The following ABHD17C variants were observed in gnomAD, a reference collection of about 807,000 sequenced individuals.
ABHD17C encodes the protein abhydrolase domain containing 17C, depalmitoylase.
ABHD17C carries 11 observed loss-of-function variants against 27.9 expected under a neutral mutation model. That is an observed-to-expected ratio of 0.39 (90% confidence interval 0.25 to 0.65). ABHD17C has a LOEUF of 0.65. Among genes scored for constraint, ABHD17C ranks in the 30% least tolerant of loss-of-function variants. The probability of loss-of-function intolerance (pLI) is 0.45; values close to 1 mark genes in which losing one functional copy is unlikely to be tolerated. For missense variants in ABHD17C, 280 were observed against 470.2 expected, an observed-to-expected ratio of 0.60 and a Z score of 3.74; for synonymous variants, 233 against 209.1, an observed-to-expected ratio of 1.11 and a Z score of -0.98.
Position 80,698,061 on chromosome 15 carries a change from C to CTTT in ABHD17C, c.590+2061_590+2063dup, listed in dbSNP as rs34987348. On this transcript the variant is annotated intron_variant, in intron 1 of 2. Transcript: ENST00000258884. ...TAGCAGAATATGTTGTTTTATTTCA[C>CTTT]TTTTTTTTTTTTTTTTTTTTTGAGA... Among the ~76,000 whole-genome samples, 20 of 97,034 alleles carry CTTT rather than the reference C, an allele frequency of 2.1e-4. 1 individual carries two copies. The East Asian group carries it at 2.6e-3, about 13-fold the overall frequency. 63.7% of individuals were successfully genotyped at this position (97,034 alleles called of 152,430 possible).
intron 1 of ABHD17C, among the ~76,000 whole-genome samples, chr15:80,729,782 G>T (rs2627322): frequency 0.41 from 62,164 of 152,048 alleles, 13,442 homozygotes; most frequent in Non-Finnish European, 0.48. Context: ...ATTTTAGAGA[G>T]ACAGGACTGT....
At chr15:80,744,881 T>C (rs1596073413) in intron 1 of ABHD17C, among the ~76,000 whole-genome samples, 1 of 152,252 alleles carries the variant, frequency 6.6e-6, no homozygotes, top group East Asian at 1.9e-4. Context: ...TCATTGCTTT[T>C]TGTTAAAATT....
At chr15:80,749,445 G>T (rs772651973) in intron 1 of ABHD17C, 68 bp from the exon 2 acceptor site, 9 of 1,526,500 alleles carry the variant, frequency 5.9e-6, no homozygotes, top group Non-Finnish European at 8.0e-6. Flanking sequence ...TTAAGAGGCG[G>T]GTTTCTCTGT....
intron 2 of ABHD17C, among the ~76,000 whole-genome samples, chr15:80,749,982 C>G (rs1036417507): frequency 7.9e-5 from 12 of 152,098 alleles, no homozygotes; most frequent in Admixed American, 6.6e-4. Context: ...TTAACAGCAC[C>G]CATACATCCT....
intron 1 of ABHD17C, among the ~76,000 whole-genome samples, chr15:80,722,835 T>A (rs1174575647): frequency 2.0e-5 from 3 of 152,210 alleles, no homozygotes; most frequent in Admixed American, 2.0e-4. Context: ...TGTGTCTGGC[T>A]TATTTCATGT....
At chr15:80,714,407 A>C (rs1172040121) in intron 1 of ABHD17C, among the ~76,000 whole-genome samples, 1 of 152,220 alleles carries the variant, frequency 6.6e-6, no homozygotes, top group Admixed American at 6.5e-5. Flanking sequence ...TGTTGTCTCC[A>C]TTTCACAAAT....
chr15:80,734,474 A>G (rs892413064), intron 1 of ABHD17C, among the ~76,000 whole-genome samples: 1 of 152,254 alleles, frequency 6.6e-6, no homozygotes, highest in Admixed American at 6.5e-5. Flanking sequence ...TTCATGCACA[A>G]TTATACTCAG....
intron 1 of ABHD17C, among the ~76,000 whole-genome samples, chr15:80,716,991 A>T (rs566650274): frequency 1.3e-5 from 2 of 152,378 alleles, no homozygotes; most frequent in Non-Finnish European, 2.9e-5. Context: ...ATGAGGCTTA[A>T]AGATGAACAA....
chr15:80,744,658 A>T (rs553498306), intron 1 of ABHD17C, among the ~76,000 whole-genome samples: 4 of 152,322 alleles, frequency 2.6e-5, no homozygotes, highest in Admixed American at 1.3e-4. Flanking sequence ...CACAAAAAGG[A>T]CTAGCGATAC....
intron 1 of ABHD17C, among the ~76,000 whole-genome samples, chr15:80,717,228 C>T (rs1176582346): frequency 1.4e-5 from 2 of 147,508 alleles, no homozygotes; most frequent in African/African-American, 2.5e-5. Flanking sequence ...ACTCTATCAG[C>T]CAGAGGCCAG....
chr15:80,736,392 A>G (rs1895130789), intron 1 of ABHD17C, among the ~76,000 whole-genome samples: 1 of 152,196 alleles, frequency 6.6e-6, no homozygotes, highest in East Asian at 1.9e-4. Flanking sequence ...ACGTTTGTTA[A>G]GTTTTGGCTA....
intron 1 of ABHD17C, among the ~76,000 whole-genome samples, chr15:80,710,018 T>C (rs974898568): frequency 6.6e-6 from 1 of 152,124 alleles, no homozygotes; most frequent in Non-Finnish European, 1.5e-5. Context: ...ATATGATAAG[T>C]GCTAGAGGAA....
chr15:80,729,511 A>G (rs1026563388), intron 1 of ABHD17C, among the ~76,000 whole-genome samples: 4 of 152,242 alleles, frequency 2.6e-5, no homozygotes, highest in Admixed American at 6.5e-5. Context: ...GCATTTGTTA[A>G]TACTGTATAG....
chr15:80,720,484 A>T (rs1894879633), intron 1 of ABHD17C, among the ~76,000 whole-genome samples: 1 of 152,048 alleles, frequency 6.6e-6, no homozygotes, highest in African/African-American at 2.4e-5. Flanking sequence ...AGGCACCTGG[A>T]ATGCAGAGCC....
Position 80,754,996 on chromosome 15 carries a change from T to G in ABHD17C, c.*626T>G, listed in dbSNP as rs753398048. Reference sequence around the variant, plus strand: ...ACTAGGGGTTTTTTTAAGTGTAAATTTATTACTAGCCAACAGAGTTTTACT... The same window carrying G: ...ACTAGGGGTTTTTTTAAGTGTAAATGTATTACTAGCCAACAGAGTTTTACT... On this transcript the variant is annotated 3_prime_UTR_variant, in exon 3 of 3. Coordinates refer to ENST00000258884, the MANE Select transcript of ABHD17C (RefSeq NM_021214.2). 2 of 152,204 alleles carry G rather than the reference T, an allele frequency of 1.3e-5. No individual in the cohort carries two copies. Among genetic ancestry groups the G allele is most frequent in the Non-Finnish European group, 2.9e-5 (2 of 68,056 alleles). The allele number at this position is 152,204 out of a possible 1,614,324, so 9.4% of individuals were successfully genotyped here.
intron 1 of ABHD17C, among the ~76,000 whole-genome samples, chr15:80,732,571 C>T (rs934408476): frequency 4.6e-5 from 7 of 151,480 alleles, no homozygotes; most frequent in East Asian, 1.9e-4. Context: ...TTAAAAAGGA[C>T]GGGGTGGGGG....
intron 1 of ABHD17C, among the ~76,000 whole-genome samples, chr15:80,738,952 G>A (rs1402377615): frequency 6.6e-6 from 1 of 152,158 alleles, no homozygotes; most frequent in East Asian, 1.9e-4. Flanking sequence ...ATTAATACAA[G>A]GAAATCAATT....
chr15:80,749,208 CTT>C (rs1895332412), intron 1 of ABHD17C, among the ~76,000 whole-genome samples: 1 of 152,142 alleles, frequency 6.6e-6, no homozygotes, highest in Admixed American at 6.5e-5. Context: ...AGATGACCAT[CTT>C]TGTAGCTACT....
At chr15:80,706,124 G>C (rs1894645369) in intron 1 of ABHD17C, among the ~76,000 whole-genome samples, 1 of 152,220 alleles carries the variant, frequency 6.6e-6, no homozygotes, top group African/African-American at 2.4e-5. Flanking sequence ...CCTTTTCCTA[G>C]TTGGCCAGGG....
Sources: allele counts gnomAD v4.1 joint callset (sites outside exome capture counted in the v4.1 genomes callset), GRCh38; gene constraint gnomAD v4.1.1; transcripts MANE v1.5; gene names NCBI Gene and HGNC (gene_info 2026-07-23, HGNC 2026-07-21).